C3orf49: variants seen among roughly 807,000 people sequenced by gnomAD.
C3orf49 encodes chromosome 3 open reading frame 49.
A neutral mutation model predicts 13.3 loss-of-function variants in C3orf49; 27 were observed. That is an observed-to-expected ratio of 2.02 (90% CI 1.49 to 2.79). The LOEUF (loss-of-function observed/expected upper bound fraction) is 2.79, where lower values mean the gene tolerates loss of function less well. C3orf49 is among the 30% of genes most tolerant of loss of function. The pLI is 0.00. For missense variants in C3orf49, 242 were observed against 134.2 expected, an observed-to-expected ratio of 1.80 and a Z score of -3.97; for synonymous variants, 87 against 47.6, an observed-to-expected ratio of 1.83 and a Z score of -3.40.
At chr3:63,822,231 TC>T (rs1430734603) in intron 1 of C3orf49, among the ~76,000 whole-genome samples, 2 of 152,170 alleles carry the variant, frequency 1.3e-5, no homozygotes, top group African/African-American at 2.4e-5. Flanking sequence ...TGCTTCGGCC[TC>T]CCAAAGTGCT....
At chr3:63,782,986 G>A in the C3orf49 span, 4 of 152,204 alleles carry the variant, frequency 2.6e-5, no homozygotes, top group African/African-American at 2.4e-5. Context: ...TAACAGAGAT[G>A]TGTAGGGGTT....
intron 6 of C3orf49, 33 bp downstream of exon 6, chr3:63,845,115 G>C (rs530277546): frequency 1.2e-5 from 8 of 680,528 alleles, no homozygotes; most frequent in African/African-American, 8.9e-5. Flanking sequence ...GGGGTGGGGG[G>C]TACTATCTCC....
chr3:63,797,487 C>T, the C3orf49 span, among the ~76,000 whole-genome samples: 9 of 152,048 alleles, frequency 5.9e-5, no homozygotes, highest in Admixed American at 2.0e-4. Flanking sequence ...GAGTTCATAA[C>T]GGTAAAACTT....
Position 63,819,319 on chromosome 3 carries a change from T to C in C3orf49, c.-153T>C. 2 of 581,914 alleles carry C rather than the reference T, an allele frequency of 3.4e-6. No homozygotes were observed. Among genetic ancestry groups the C allele is most frequent in the South Asian group, 4.3e-5 (2 of 46,016 alleles). 36.0% of individuals were successfully genotyped at this position (581,914 alleles called of 1,614,324 possible). ...AATGTCTCTAACACCTGGAAGGGAA[T>C]AAGGGAAAGACTCTAAAAATTTCCT... On this transcript the variant is annotated 5_prime_UTR_variant, in exon 1 of 7. Coordinates refer to ENST00000295896, the MANE Select transcript of C3orf49 (RefSeq NM_001355236.2).
chr3:63,802,155 C>G, the C3orf49 span, among the ~76,000 whole-genome samples: 1 of 152,192 alleles, frequency 6.6e-6, no homozygotes. Context: ...GATTACATAA[C>G]TGGAGTGTAC....
At chr3:63,839,141 G>C (rs552698313) in intron 5 of C3orf49, among the ~76,000 whole-genome samples, 65 of 152,180 alleles carry the variant, frequency 4.3e-4, no homozygotes, top group African/African-American at 1.5e-3. Context: ...AGTGAGCCAA[G>C]ATTGTGCCAT....
chr3:63,811,485 G>C, the C3orf49 span, among the ~76,000 whole-genome samples: 1 of 151,752 alleles, frequency 6.6e-6, no homozygotes, highest in African/African-American at 2.4e-5. Context: ...GTGAACTCGG[G>C]AGGCGGAGCT....
rs777505211 is a variant in C3orf49 at position 63,836,294 on chromosome 3, C to G, written c.849+4450C>G. On this transcript the variant is annotated intron_variant, in intron 5 of 6. Coordinates refer to ENST00000295896, the MANE Select transcript of C3orf49 (RefSeq NM_001355236.2). ...TAGTTCCTTTCAAAGTAAAGCTCTA[C>G]ACTTACTTTAATGTCTCATGCCTGT... 3 of 1,611,682 alleles carry G rather than the reference C, an allele frequency of 1.9e-6. No individual in the cohort carries two copies. In the East Asian group the frequency reaches 6.7e-5, roughly 36 times the overall value.
intron 5 of C3orf49, among the ~76,000 whole-genome samples, chr3:63,843,041 A>T (rs1203871315): frequency 6.6e-6 from 1 of 151,256 alleles, no homozygotes; most frequent in East Asian, 1.9e-4. Flanking sequence ...ACATGCCTCA[A>T]CCTCCCAAGT....
Position 63,832,087 on chromosome 3 carries a change from G to T in C3orf49, c.849+243G>T. ...CGGGCGCCTCTAATCCCAGCTACTCGGGAGGCTGAGGCAGGAGAATTGCTT... is the reference window on the plus strand; with the variant it reads ...CGGGCGCCTCTAATCCCAGCTACTCTGGAGGCTGAGGCAGGAGAATTGCTT... On this transcript the variant is annotated intron_variant, in intron 5 of 6. Coordinates refer to ENST00000295896, the MANE Select transcript of C3orf49 (RefSeq NM_001355236.2). The T allele has an allele frequency of 1.4e-5, 5 of 358,190 alleles. No individual in the cohort carries two copies. In the South Asian group the frequency reaches 2.3e-4, roughly 17 times the overall value. 22.2% of individuals were successfully genotyped at this position (358,190 alleles called of 1,614,324 possible).
chr3:63,822,176 C>T (rs1046555210), intron 1 of C3orf49, among the ~76,000 whole-genome samples: 3 of 152,082 alleles, frequency 2.0e-5, no homozygotes, highest in East Asian at 3.9e-4. Flanking sequence ...AGGGTTTCAC[C>T]GTGTTAGCCA....
the C3orf49 span, among the ~76,000 whole-genome samples, chr3:63,784,507 A>AT: frequency 0.013 from 1,925 of 152,292 alleles, 39 homozygotes; most frequent in African/African-American, 0.044. Flanking sequence ...CTACTAAAAA[A>AT]ATATATAAAG....
chr3:63,805,840 A>G, the C3orf49 span, among the ~76,000 whole-genome samples: 2 of 152,252 alleles, frequency 1.3e-5, no homozygotes, highest in Non-Finnish European at 2.9e-5. Context: ...AAAATTGTCC[A>G]GAACAAAGGC....
chr3:63,803,947 T>G, the C3orf49 span, among the ~76,000 whole-genome samples: 85 of 151,504 alleles, frequency 5.6e-4, 1 homozygote, highest in African/African-American at 1.9e-3. Flanking sequence ...TGGCCCCATC[T>G]GGGGGTGATG....
chr3:63,846,664 G>C (rs192131663), intron 6 of C3orf49, among the ~76,000 whole-genome samples: 2 of 152,184 alleles, frequency 1.3e-5, no homozygotes, highest in Admixed American at 1.3e-4. Context: ...ACCCACCTCG[G>C]CCTCCTAAAG....
At chr3:63,838,363 AT>A in intron 5 of C3orf49, 1 of 1,446,796 alleles carries the variant, frequency 6.9e-7, no homozygotes, top group Non-Finnish European at 9.5e-7. Flanking sequence ...AAACATTAAG[AT>A]TCTTTACCTA....
In C3orf49 at chr3:63,820,631, GTGTA is replaced by G. The variant is rs1575795071; in HGVS notation, c.125+1039_125+1042del. ...TTTGCATTGTTCTGTGTCACAGTAT[GTGTA>G]TGTGTGTACATGTTTATAGTAGTAG... is the stretch of plus-strand genomic sequence containing the variant. On this transcript the variant is annotated intron_variant, in intron 1 of 6. Transcript: ENST00000295896. Among the ~76,000 whole-genome samples the G allele has an allele frequency of 3.9e-5, 6 of 152,282 alleles. No homozygotes were observed. In the East Asian group the frequency reaches 1.2e-3, roughly 29 times the overall value.
At chr3:63,820,727 C>T (rs1303915741) in intron 1 of C3orf49, among the ~76,000 whole-genome samples, 1 of 152,122 alleles carries the variant, frequency 6.6e-6, no homozygotes, top group Non-Finnish European at 1.5e-5. Flanking sequence ...TAATCCTACC[C>T]ATAAGTTATC....
intron 5 of C3orf49, chr3:63,839,552 T>C: frequency 1.1e-6 from 1 of 946,948 alleles, no homozygotes; most frequent in Non-Finnish European, 1.7e-6. Context: ...GACTCCACTG[T>C]ACATTTAAGG....
Sources: allele counts gnomAD v4.1 joint callset (sites outside exome capture counted in the v4.1 genomes callset), GRCh38; gene constraint gnomAD v4.1.1; transcripts MANE v1.5; gene names NCBI Gene and HGNC (gene_info 2026-07-23, HGNC 2026-07-21).